Variants in RGS5 observed in about 807,000 individuals in gnomAD.
RGS5 encodes regulator of G-protein signalling 5.
Under a neutral mutation model 18.9 loss-of-function variants are expected in RGS5, and 20 were observed. That is an observed-to-expected ratio of 1.06 (90% CI 0.74 to 1.54). The LOEUF (loss-of-function observed/expected upper bound fraction) is 1.54. Ranked by LOEUF, RGS5 falls within the 40% of genes most tolerant of loss-of-function variation. The pLI is 0.00. For synonymous variants in RGS5, 57 were observed against 76.2 expected (o/e 0.75, Z 1.31); for missense variants, 201 against 211.8 (o/e 0.95, Z 0.32).
chr1:163,230,609 A>G (rs1212497417), intron 2 of RGS5, among the ~76,000 whole-genome samples: 1 of 152,196 alleles, frequency 6.6e-6, no homozygotes, highest in Non-Finnish European at 1.5e-5. Context: ...AGTACTTTTA[A>G]AAGCAGTCTA....
chr1:163,208,702 A>C (rs1034801902), intron 1 of RGS5, among the ~76,000 whole-genome samples: 5 of 152,082 alleles, frequency 3.3e-5, no homozygotes, highest in African/African-American at 4.8e-5. Flanking sequence ...AATCCAAGTC[A>C]AAATGTATTG....
At chr1:163,291,451 A>C (rs1649285610) in intron 2 of RGS5, among the ~76,000 whole-genome samples, 1 of 152,182 alleles carries the variant, frequency 6.6e-6, no homozygotes, top group Non-Finnish European at 1.5e-5. Flanking sequence ...ACAGACTACC[A>C]GGCTAGGAAG....
At chr1:163,315,408 T>A (rs1189976579) in intron 1 of RGS5, among the ~76,000 whole-genome samples, 1 of 152,138 alleles carries the variant, frequency 6.6e-6, no homozygotes, top group African/African-American at 2.4e-5. Flanking sequence ...GAAAACTGAA[T>A]TTTAAAAAGT....
chr1:163,282,921 G>A (rs1054975182), intron 2 of RGS5, among the ~76,000 whole-genome samples: 4 of 151,992 alleles, frequency 2.6e-5, no homozygotes, highest in South Asian at 2.1e-4. Flanking sequence ...AAGAAAATGC[G>A]GTATATATAC....
chr1:163,282,043 G>A (rs71519251), intron 2 of RGS5, among the ~76,000 whole-genome samples: 20,659 of 138,608 alleles, frequency 0.15, 1,622 homozygotes, highest in Non-Finnish European at 0.2. Context: ...AAGTGCACGC[G>A]CGCGCACACA....
At chr1:163,272,957 A>G (rs1181933177) in intron 2 of RGS5, among the ~76,000 whole-genome samples, 1 of 152,086 alleles carries the variant, frequency 6.6e-6, no homozygotes, top group African/African-American at 2.4e-5. Flanking sequence ...ATATTTTAAA[A>G]TATTCCATTG....
In RGS5 at chr1:163,243,872, T is replaced by A. The variant is rs140046509; in HGVS notation, c.-281+62361A>T. On this transcript the variant is annotated intron_variant, in intron 2 of 5. Coordinates refer to the RGS5 transcript ENST00000618415. ...GCAAAGACTCAGTGAATCTGAGAGA[T>A]AGAATATTGTATTGGTTAAGGACAT... Among the ~76,000 whole-genome samples the A allele has an allele frequency of 4.9e-3, 741 of 150,880 alleles. 5 individuals are homozygous for A. The highest frequency in any genetic ancestry group is 0.017 in the African/African-American group (697 of 41,050).
intron 3 of RGS5, among the ~76,000 whole-genome samples, chr1:163,159,370 A>G (rs1398758031): frequency 6.6e-6 from 1 of 152,218 alleles, no homozygotes; most frequent in Admixed American, 6.5e-5. Flanking sequence ...ATTGCAGTAA[A>G]GACAGGCGTA....
chr1:163,226,302 T>A (rs952493149), intron 2 of RGS5, among the ~76,000 whole-genome samples: 2 of 152,206 alleles, frequency 1.3e-5, no homozygotes, highest in Non-Finnish European at 2.9e-5. Context: ...GTTCACTGGG[T>A]ACATTTAAAT....
chr1:163,320,128 T>A (rs1650146644), intron 1 of RGS5, among the ~76,000 whole-genome samples: 1 of 152,240 alleles, frequency 6.6e-6, no homozygotes, highest in African/African-American at 2.4e-5. Flanking sequence ...CTCATTTTTC[T>A]CTTTCTCCAT....
intron 1 of RGS5, among the ~76,000 whole-genome samples, chr1:163,196,321 T>C (rs942310795): frequency 6.6e-6 from 1 of 152,146 alleles, no homozygotes; most frequent in Admixed American, 6.5e-5. Flanking sequence ...CTTTTCTCTC[T>C]GGCCAGCAGT....
chr1:163,262,811 C>T (rs1259170149), intron 2 of RGS5, among the ~76,000 whole-genome samples: 1 of 151,856 alleles, frequency 6.6e-6, no homozygotes, highest in East Asian at 1.9e-4. Flanking sequence ...ACATCCTCTC[C>T]AGCACCTGTT....
rs1475429557 is a variant in RGS5 at position 163,147,612 on chromosome 1, G to C, written c.385-109C>G. On this transcript the variant is annotated intron_variant, in intron 4 of 4. Transcript: ENST00000313961. ...CAATAAAACATAAGAGGGGAGGAAA[G>C]TCATTAAAAACTGAGACATGTCACT... The C allele has an allele frequency of 6.7e-6, 7 of 1,049,230 alleles. No homozygotes were observed. The East Asian group carries it at 1.6e-4, about 25-fold the overall frequency. The allele number at this position is 1,049,230 out of a possible 1,614,324, so 65.0% of individuals were successfully genotyped here.
intron 2 of RGS5, among the ~76,000 whole-genome samples, chr1:163,271,040 C>T (rs1352885102): frequency 6.6e-6 from 1 of 152,086 alleles, no homozygotes; most frequent in African/African-American, 2.4e-5. Context: ...TTTGCATTAT[C>T]ATTACCATCC....
At chr1:163,205,225 CA>C (rs1218191611), upstream of RGS5, among the ~76,000 whole-genome samples, 2 of 150,656 alleles carry the variant, frequency 1.3e-5, no homozygotes, top group East Asian at 3.9e-4. Flanking sequence ...TTCAGTTATG[CA>C]AAATGAAAAA....
chr1:163,222,278 C>A (rs1453662405), upstream of RGS5, among the ~76,000 whole-genome samples: 2 of 152,046 alleles, frequency 1.3e-5, no homozygotes, highest in Admixed American at 1.3e-4. Context: ...CTCATAGGAG[C>A]ATGAACTCTA....
chr1:163,226,960 G>A (rs1049215162), intron 2 of RGS5, among the ~76,000 whole-genome samples: 3 of 152,178 alleles, frequency 2.0e-5, no homozygotes, highest in Non-Finnish European at 4.4e-5. Context: ...AATAAGAGGA[G>A]TGATAGTCCT....
At chr1:163,298,079 T>G (rs79230133) in intron 2 of RGS5, among the ~76,000 whole-genome samples, 296 of 151,522 alleles carry the variant, frequency 2.0e-3, no homozygotes, top group African/African-American at 6.9e-3. Context: ...ATTTCCTTGT[T>G]TGATATAACA....
chr1:163,303,500 A>G (rs1280663489), intron 2 of RGS5, among the ~76,000 whole-genome samples: 1 of 152,234 alleles, frequency 6.6e-6, no homozygotes, highest in African/African-American at 2.4e-5. Flanking sequence ...CCTCTTTAAA[A>G]TTGGAACTTA....
Sources: allele counts gnomAD v4.1 joint callset (sites outside exome capture counted in the v4.1 genomes callset), GRCh38; gene constraint gnomAD v4.1.1; transcripts MANE v1.5; gene names NCBI Gene and HGNC (gene_info 2026-07-23, HGNC 2026-07-21).